Variants in TRPM8 observed in about 807,000 individuals in gnomAD.
TRPM8 encodes the protein TRPM8 cationic channel.
TRPM8 carries 110 observed loss-of-function variants against 133.7 expected under a neutral mutation model. The ratio of observed to expected loss-of-function variants is 0.82; its 90% CI spans 0.70 to 0.96. TRPM8 has a LOEUF of 0.96. Among genes scored for constraint, TRPM8 ranks in the 40% least tolerant of loss-of-function variants. The pLI is 0.00. For missense variants in TRPM8, 1,291 were observed against 1,379.5 expected, an observed-to-expected ratio of 0.94 and a Z score of 1.02; for synonymous variants, 535 against 532.3, an observed-to-expected ratio of 1.01 and a Z score of -0.07.
chr2:233,955,875 G>A (rs929573517), intron 11 of TRPM8, among the ~76,000 whole-genome samples: 6 of 152,146 alleles, frequency 3.9e-5, no homozygotes, highest in East Asian at 3.9e-4. Flanking sequence ...CCTGAGCTCC[G>A]CCTTCAGTCC....
At chr2:233,993,387 A>G (rs1692329743) in intron 21 of TRPM8, among the ~76,000 whole-genome samples, 1 of 152,222 alleles carries the variant, frequency 6.6e-6, no homozygotes, top group Non-Finnish European at 1.5e-5. Context: ...TGATACAAAC[A>G]CAAAGCCTTA....
chr2:233,992,863 G>T (rs1322925565), intron 21 of TRPM8, among the ~76,000 whole-genome samples: 1 of 152,172 alleles, frequency 6.6e-6, no homozygotes, highest in African/African-American at 2.4e-5. Context: ...GTGTGCACGT[G>T]CTGGCCCAGA....
chr2:233,921,505 T>TG (rs1248443084), intron 1 of TRPM8, among the ~76,000 whole-genome samples: 1 of 152,088 alleles, frequency 6.6e-6, no homozygotes, highest in Non-Finnish European at 1.5e-5. Flanking sequence ...AGTGCAAAGA[T>TG]GAGGGCCGCC....
chr2:233,985,048 C>T (rs1375186543), intron 20 of TRPM8, among the ~76,000 whole-genome samples: 3 of 151,486 alleles, frequency 2.0e-5, no homozygotes, highest in African/African-American at 7.3e-5. Context: ...AGTGCCACTG[C>T]ACTCCAGCCT....
At position 233,966,586 on chromosome 2, in the gene TRPM8, C is replaced by T. The variant is rs201489531; in HGVS notation, c.1880-24C>T. ...TCATGTGCAGCTCTTACACCAGCTT[C>T]TCTCTGTGCTGATGTCGCTGTAGAG... On this transcript the variant is annotated intron_variant, in intron 14 of 25. Coordinates refer to ENST00000324695, the MANE Select transcript of TRPM8 (RefSeq NM_024080.5). The T allele has an allele frequency of 2.6e-5, 42 of 1,613,758 alleles. No individual in the cohort carries two copies. In the African/African-American group the frequency reaches 4.7e-4, roughly 18 times the overall value.
At chr2:234,008,830 T>A (rs1221943335) in intron 24 of TRPM8, among the ~76,000 whole-genome samples, 2 of 152,212 alleles carry the variant, frequency 1.3e-5, no homozygotes, top group Non-Finnish European at 2.9e-5. Context: ...AATGAATAAA[T>A]GAACAAAAGG....
At chr2:233,946,097 A>G (rs1691037792) in intron 7 of TRPM8, 67 bp downstream of exon 7, 1 of 1,466,946 alleles carries the variant, frequency 6.8e-7, no homozygotes, top group East Asian at 2.3e-5. Context: ...ATCAACAACA[A>G]TCACTACCAA....
Position 233,983,297 on chromosome 2 carries a change from C to T in TRPM8, c.2761+73C>T, listed in dbSNP as rs772363075. ...CTCCCTGAACCAACCCCCAGGGCTGCCCCGGAGACCGCACTTCAGAAGCAC... is the reference window on the plus strand; with the variant it reads ...CTCCCTGAACCAACCCCCAGGGCTGTCCCGGAGACCGCACTTCAGAAGCAC... On this transcript the variant is annotated intron_variant, in intron 20 of 25. Transcript: ENST00000324695. 25 of 1,568,170 alleles carry T rather than the reference C, an allele frequency of 1.6e-5. No individual in the cohort carries two copies. In the African/African-American group the frequency reaches 1.9e-4, roughly 12 times the overall value.
At chr2:233,918,054 C>G (rs555099730) in intron 1 of TRPM8, among the ~76,000 whole-genome samples, 1 of 152,110 alleles carries the variant, frequency 6.6e-6, no homozygotes, top group Non-Finnish European at 1.5e-5. Flanking sequence ...GTTTTATTTC[C>G]ATTTAATTTT....
At chr2:233,949,882 C>A in intron 8 of TRPM8, 67 bp from the exon 9 acceptor site, 5 of 1,499,754 alleles carry the variant, frequency 3.3e-6, no homozygotes, top group Non-Finnish European at 4.6e-6. Context: ...GGCTCAGAAC[C>A]TTAGTCCAGA....
chr2:233,986,709 G>A (rs1692155935), intron 21 of TRPM8, among the ~76,000 whole-genome samples: 1 of 152,004 alleles, frequency 6.6e-6, no homozygotes, highest in African/African-American at 2.4e-5. Flanking sequence ...GATAAATTAG[G>A]GAAAATGTTT....
intron 17 of TRPM8, among the ~76,000 whole-genome samples, chr2:233,978,394 A>G (rs1329316354): frequency 6.6e-6 from 1 of 152,152 alleles, no homozygotes; most frequent in African/African-American, 2.4e-5. Context: ...ACTGTATTAC[A>G]TCAAACCTGA....
chr2:233,942,092 C>T (rs28946911), intron 5 of TRPM8, among the ~76,000 whole-genome samples: 54,757 of 98,838 alleles, frequency 0.55, 10,689 homozygotes, highest in African/African-American at 0.76. Context: ...TTTTTTTTTT[C>T]TTTTTGAGAT....
chr2:234,010,264 G>C (rs1400947269), intron 24 of TRPM8, among the ~76,000 whole-genome samples: 1 of 152,082 alleles, frequency 6.6e-6, no homozygotes, highest in Non-Finnish European at 1.5e-5. Context: ...ATTTTGTTTA[G>C]CATAATGTCC....
chr2:233,925,853 G>A (rs942364370), intron 1 of TRPM8, among the ~76,000 whole-genome samples: 2 of 152,092 alleles, frequency 1.3e-5, no homozygotes, highest in African/African-American at 4.8e-5. Context: ...AGGGGAGAGG[G>A]GCCTCCTGAA....
chr2:233,997,083 G>A (rs1290095738), intron 22 of TRPM8, among the ~76,000 whole-genome samples: 2 of 152,082 alleles, frequency 1.3e-5, no homozygotes, highest in Non-Finnish European at 2.9e-5. Flanking sequence ...TGGGCAACAC[G>A]GTGAAACCCC....
At chr2:233,992,397 A>T (rs897280304) in intron 21 of TRPM8, among the ~76,000 whole-genome samples, 1 of 151,872 alleles carries the variant, frequency 6.6e-6, no homozygotes, top group African/African-American at 2.4e-5. Flanking sequence ...AAGATGAATG[A>T]CATAAATGTT....
intron 21 of TRPM8, among the ~76,000 whole-genome samples, chr2:233,992,981 G>A (rs189069239): frequency 1.2e-4 from 18 of 152,272 alleles, no homozygotes; most frequent in African/African-American, 2.4e-5. Context: ...GCTCCATTAG[G>A]AGCCCCCCTC....
intron 1 of TRPM8, among the ~76,000 whole-genome samples, chr2:233,924,636 G>A (rs909605988): frequency 2.1e-4 from 32 of 152,140 alleles, no homozygotes; most frequent in African/African-American, 6.8e-4. Flanking sequence ...AAAGGCATTC[G>A]GAATGTCAGA....
Sources: gnomAD v4.1 joint callset for allele counts (sites outside exome capture counted in the v4.1 genomes callset) on GRCh38, gnomAD v4.1.1 for gene constraint, MANE v1.5 for transcripts, NCBI Gene and HGNC (gene_info 2026-07-23, HGNC 2026-07-21) for gene names.